ADA2: variants seen among roughly 807,000 people sequenced by gnomAD.
ADA2 encodes adenosine deaminase 2.
A neutral mutation model predicts 44.2 loss-of-function variants in ADA2; 29 were observed. The ratio of observed to expected loss-of-function variants is 0.66; its 90% CI spans 0.49 to 0.89. ADA2 has a LOEUF of 0.89. Ranked by LOEUF, ADA2 falls within the 40% of genes least tolerant of loss-of-function variation. ADA2 has a pLI of 0.00. For synonymous variants in ADA2, 215 were observed against 234.9 expected (o/e 0.92, Z 0.77); for missense variants, 637 against 644.8 (o/e 0.99, Z 0.13).
At chr22:17,191,155 G>A (rs1568974554) in intron 5 of ADA2, among the ~76,000 whole-genome samples, 1 of 152,204 alleles carries the variant, frequency 6.6e-6, no homozygotes, top group Non-Finnish European at 1.5e-5. Flanking sequence ...CAATTAAGCT[G>A]CAAAGCTTTC....
At chr22:17,188,868 A>AAAAAAAAAAAAAATATATAT in intron 6 of ADA2, 2 of 81,128 alleles carry the variant, frequency 2.5e-5, no homozygotes, top group African/African-American at 8.4e-5. Flanking sequence ...AAGAGCAAAA[A>AAAAAAAAAAAAAATATATAT]ATATATATAT....
intron 1 of ADA2, chr22:17,213,675 G>T: frequency 3.9e-6 from 1 of 257,210 alleles, no homozygotes; most frequent in South Asian, 4.0e-5. Context: ...GCACGGCCTG[G>T]ACAAGTGGAC....
chr22:17,188,868 A>AAAAAAAAAAAAAAAAAAAAAAAAATAT, intron 6 of ADA2: 5 of 81,180 alleles, frequency 6.2e-5, no homozygotes, highest in African/African-American at 2.1e-4. Flanking sequence ...AAGAGCAAAA[A>AAAAAAAAAAAAAAAAAAAAAAAAATAT]ATATATATAT....
intron 4 of ADA2, chr22:17,192,795 C>T (rs1312368559): frequency 1.3e-4 from 42 of 319,456 alleles, no homozygotes; most frequent in African/African-American, 7.2e-4. Context: ...TACCACTGCA[C>T]TCCAGCCTGG....
Position 17,179,897 on chromosome 22 carries a change from C to T in ADA2, c.*1586G>A, listed in dbSNP as rs1479207136. 1.3e-5 allele frequency: 2 copies of T among 152,162 alleles called. No homozygotes were observed. Among genetic ancestry groups the T allele is most frequent in the African/African-American group, 2.4e-5 (1 of 41,424 alleles). 9.4% of individuals were successfully genotyped at this position (152,162 alleles called of 1,614,324 possible). A position where few individuals can be genotyped will look rare whatever the true frequency, so the allele number is the denominator to read the frequency against. On this transcript the variant is annotated 3_prime_UTR_variant, in exon 10 of 10. Coordinates refer to ENST00000399837, the MANE Select transcript of ADA2 (RefSeq NM_001282225.2). ...CTGTAATCCCAGTGCTTTGGGAGGC[C>T]GAGGCGGGTGGACCACGAGGTCAGG...
chr22:17,191,281 G>A (rs1461537457), intron 5 of ADA2, among the ~76,000 whole-genome samples: 4 of 152,188 alleles, frequency 2.6e-5, no homozygotes, highest in Admixed American at 2.6e-4. Context: ...GTGTCTCCGT[G>A]ATCAAGGACT....
At chr22:17,217,798 ACT>A (rs1188257477) in intron 1 of ADA2, among the ~76,000 whole-genome samples, 2 of 152,068 alleles carry the variant, frequency 1.3e-5, no homozygotes, top group African/African-American at 4.8e-5. Flanking sequence ...ACAGAGCAAG[ACT>A]CTGTCTCAAA....
intron 6 of ADA2, among the ~76,000 whole-genome samples, chr22:17,188,886 T>TATATATATATATATATATATATATATA (rs1491152456): frequency 2.2e-4 from 13 of 59,602 alleles, no homozygotes; most frequent in Non-Finnish European, 4.2e-4. Flanking sequence ...TATATATATA[T>TATATATATATATATATATATATATATA]TTTGTAAAGA....
chr22:17,196,165 A>AC (rs1437976857), intron 4 of ADA2, among the ~76,000 whole-genome samples: 2 of 147,186 alleles, frequency 1.4e-5, no homozygotes, highest in Non-Finnish European at 3.0e-5. Context: ...ACATGGTGAA[A>AC]CCCCTTCTCT....
intron 1 of ADA2, among the ~76,000 whole-genome samples, chr22:17,216,741 A>G (rs2062476321): frequency 6.7e-6 from 1 of 149,060 alleles, no homozygotes; most frequent in African/African-American, 2.5e-5. Flanking sequence ...GCCCGGCAAC[A>G]GAGCAAGACT....
chr22:17,194,741 A>G (rs941755382), intron 4 of ADA2, among the ~76,000 whole-genome samples: 1 of 151,864 alleles, frequency 6.6e-6, no homozygotes, highest in African/African-American at 2.4e-5. Context: ...GAAGAACCTT[A>G]GGTACTGTTC....
intron 4 of ADA2, among the ~76,000 whole-genome samples, chr22:17,199,019 G>GC (rs2062233538): frequency 1.3e-5 from 2 of 152,056 alleles, no homozygotes; most frequent in African/African-American, 4.8e-5. Flanking sequence ...TGTGTTGGTG[G>GC]CCCCCCAACT....
Position 17,209,489 on chromosome 22 carries a change from G to A in ADA2, c.189C>T (p.Leu63=). The A allele has an allele frequency of 1.9e-6, 3 of 1,614,086 alleles. No homozygotes were observed. The highest frequency in any genetic ancestry group is 2.5e-6 in the Non-Finnish European group (3 of 1,180,022). The change falls in exon 2 of 10, where the codon CTC becomes CTT. Residue 63 remains leucine, a synonymous_variant. Coordinates refer to ENST00000399837, the MANE Select transcript of ADA2 (RefSeq NM_001282225.2). ...TCATCTCAGCGATTTTGAGCGTCAT[G>A]AGCCTCTCATTGGCCAGCTCCTCCT... is the stretch of plus-strand genomic sequence containing the variant. The part of the protein sequence containing the change: ...NTKEELANER[L]MTLKIAEMKE...
intron 9 of ADA2, 56 bp from the exon 10 acceptor site, chr22:17,181,632 C>T: frequency 7.7e-7 from 1 of 1,306,200 alleles, no homozygotes; most frequent in Non-Finnish European, 1.1e-6. Flanking sequence ...GGGAACGGGG[C>T]AGGGAGCCTG....
chr22:17,194,869 G>A (rs1241183337), intron 4 of ADA2, among the ~76,000 whole-genome samples: 1 of 151,984 alleles, frequency 6.6e-6, no homozygotes, highest in African/African-American at 2.4e-5. Flanking sequence ...TTAAGAAGCA[G>A]CAAATGAAGA....
chr22:17,219,842 T>G (rs1336432673), upstream of ADA2, among the ~76,000 whole-genome samples: 4 of 151,678 alleles, frequency 2.6e-5, no homozygotes, highest in East Asian at 7.8e-4. Context: ...GCCCCACTGA[T>G]TTTTTGTATT....
rs759177764 is a variant in ADA2, at chr22:17,181,460, G to T, written c.*23C>A. The T allele has an allele frequency of 4.0e-6, 6 of 1,488,596 alleles. No homozygotes were observed. In the Admixed American group the frequency reaches 1.0e-4, roughly 25 times the overall value. The allele number at this position is 1,488,596 out of a possible 1,614,324, so 92.2% of individuals were successfully genotyped here. A position where few individuals can be genotyped will look rare whatever the true frequency, so the allele number is the denominator to read the frequency against. ...GACAGCGTGTGCAAGAAGACAGCTT[G>T]TAGAGGGCTGGCTAGCTTCTCCTCA... On this transcript the variant is annotated 3_prime_UTR_variant, in exon 10 of 10. Coordinates refer to ENST00000399837, the MANE Select transcript of ADA2 (RefSeq NM_001282225.2).
At chr22:17,181,611 G>A in intron 9 of ADA2, 35 bp from the exon 10 acceptor site, 2 of 1,470,178 alleles carry the variant, frequency 1.4e-6, no homozygotes, top group Non-Finnish European at 1.9e-6. Flanking sequence ...TCAGCCTCAG[G>A]GCAGGGGTTG....
At chr22:17,213,024 A>G (rs1472473910) in intron 1 of ADA2, among the ~76,000 whole-genome samples, 3 of 151,344 alleles carry the variant, frequency 2.0e-5, no homozygotes, top group Admixed American at 6.6e-5. Context: ...TCCTGGGCTC[A>G]AGCGATCCTC....
Sources: gnomAD v4.1 joint callset for allele counts (sites outside exome capture counted in the v4.1 genomes callset) on GRCh38, gnomAD v4.1.1 for gene constraint, MANE v1.5 for transcripts, NCBI Gene and HGNC (gene_info 2026-07-23, HGNC 2026-07-21) for gene names.